Variants in LMF2 observed in about 807,000 individuals in gnomAD.
The protein encoded by LMF2 is lipase maturation factor 2, also known as transmembrane protein 112B.
Under a neutral mutation model 81.5 loss-of-function variants are expected in LMF2, and 113 were observed. That is an observed-to-expected ratio of 1.39 (90% CI 1.19 to 1.62). The LOEUF is 1.62. Ranked by LOEUF, LMF2 falls within the 40% of genes most tolerant of loss-of-function variation. The pLI is 0.00. For synonymous variants in LMF2, 645 were observed against 424.5 expected, an observed-to-expected ratio of 1.52 and a Z score of -6.39; for missense variants, 1,235 against 929.1, an observed-to-expected ratio of 1.33 and a Z score of -4.28.
intron 1 of LMF2, 127 bp downstream of exon 1, chr22:50,507,455 C>T: frequency 2.6e-6 from 2 of 770,310 alleles, no homozygotes; most frequent in Non-Finnish European, 4.5e-6. Context: ...CGAACCGCCG[C>T]CCCCTACCCC....
chr22:50,506,541 C>T (rs757342388), intron 3 of LMF2, 39 bp from the exon 4 acceptor site: 2 of 1,576,224 alleles, frequency 1.3e-6, no homozygotes, highest in African/African-American at 1.3e-5. Context: ...CCCCTCCCCA[C>T]ACAGCTGCTT....
chr22:50,506,131 C>T lies in LMF2; in HGVS notation c.678G>A (p.Lys226=). 1 of 1,578,068 alleles carries T rather than the reference C, an allele frequency of 6.3e-7. No individual in the cohort carries two copies. The highest frequency in any genetic ancestry group is 8.6e-7 in the Non-Finnish European group (1 of 1,161,914). ...TTAGGAAGGTGGCCACCACGCTGAG[C>T]TTGTGCAGCCAGACCGGCAGGTGGT... ...FAHHLPVWLH[K]LSVVATFLIE... Residue 226 remains lysine (K), a synonymous_variant, in exon 5 of 14, where the codon AAG becomes AAA. Coordinates refer to ENST00000474879, the MANE Select transcript of LMF2 (RefSeq NM_033200.3).
intron 12 of LMF2, among the ~76,000 whole-genome samples, 163 bp from the exon 13 acceptor site, chr22:50,504,067 C>T (rs1413823486): frequency 1.1e-5 from 1 of 92,602 alleles, no homozygotes; most frequent in Non-Finnish European, 2.2e-5. Context: ...ACCCGGTGCC[C>T]GGCCTTACCC....
chr22:50,506,690 G>T, intron 2 of LMF2, 24 bp from the exon 3 acceptor site: 2 of 1,613,714 alleles, frequency 1.2e-6, no homozygotes, highest in Non-Finnish European at 1.7e-6. Flanking sequence ...GGCTGTCAGG[G>T]AGCGGGTGTG....
Position 50,505,525 on chromosome 22 carries a change from G to C in LMF2, c.929C>G (p.Ala310Gly). 6.2e-7 allele frequency: 1 copy of C among 1,612,594 alleles called. No homozygotes were observed. The highest frequency in any genetic ancestry group is 8.5e-7 in the Non-Finnish European group (1 of 1,180,010). The change falls in exon 7 of 14, where the codon GCC becomes GGC. Residue 310 changes from alanine (A) to glycine (G), a missense_variant. Physicochemically the swap from Ala to Gly is moderately conservative, Grantham distance 60. Coordinates refer to ENST00000474879, the MANE Select transcript of LMF2 (RefSeq NM_033200.3). The part of the protein sequence containing the change: ...RKKTATSWPK[A>G]LLATLSLLLE... ...CAGCAGCGACAGGGTGGCCAGCAGGGCCTTGGGCCAGGCTGTGGGGCAGGA... is the reference window on the plus strand; with the variant it reads ...CAGCAGCGACAGGGTGGCCAGCAGGCCCTTGGGCCAGGCTGTGGGGCAGGA...
rs1405212034 is a variant in LMF2 at position 50,505,573 on chromosome 22, C to T, written c.917-36G>A. 4.3e-6 allele frequency: 7 copies of T among 1,611,662 alleles called. No homozygotes were observed. The South Asian group carries it at 5.5e-5, about 13-fold the overall frequency. On this transcript the variant is annotated intron_variant, in intron 6 of 13. Transcript: ENST00000474879. ...GGACAGTCATGGGTCAGCAGAGGGT[C>T]CCCAGCCAGGGGGCTGGGGTGCAGC...
rs201652907 is a variant in LMF2 at position 50,503,678 on chromosome 22, G to A, written c.1837C>T (p.Arg613Cys). Reference sequence around the variant, plus strand: ...TGGGCCAGGGTGCTGTTGGCGCTGCGGGTGCGAGGTGGGCTTTTCTCCTGT... The same window carrying A: ...TGGGCCAGGGTGCTGTTGGCGCTGCAGGTGCGAGGTGGGCTTTTCTCCTGT... ...GLQEKSPPRT[R>C]SANSTLAQAL... Residue 613 changes from arginine (R) to cysteine (C), a missense_variant, in exon 14 of 14, where the codon CGC (arginine) becomes TGC (cysteine). Coordinates refer to ENST00000474879, the MANE Select transcript of LMF2 (RefSeq NM_033200.3). 168 of 1,593,918 alleles carry A rather than the reference G, an allele frequency of 1.1e-4. No individual in the cohort carries two copies. Among genetic ancestry groups the A allele is most frequent in the Non-Finnish European group, 1.3e-4 (156 of 1,175,084 alleles).
At position 50,506,189 on chromosome 22, in the gene LMF2, T is replaced by C. The variant is rs752473920; in HGVS notation, c.620A>G (p.Gln207Arg). Residue 207 changes from glutamine to arginine, a missense_variant, in exon 5 of 14, where the codon CAG (glutamine) becomes CGG (arginine). Gln to Arg is a conservative substitution (Grantham distance 43). Coordinates refer to ENST00000474879, the MANE Select transcript of LMF2 (RefSeq NM_033200.3). ...LTALTYHYET[Q>R]CLPTPAAWFA... ...CCAGGCGGCGGGCGTGGGCAGGCAC[T>C]GGGTCTCGTAGTGGTAGGTGAGGGC... is the stretch of plus-strand genomic sequence containing the variant. 2 of 1,560,060 alleles carry C rather than the reference T, an allele frequency of 1.3e-6. No individual in the cohort carries two copies. Among genetic ancestry groups the C allele is most frequent in the South Asian group, 2.4e-5 (2 of 84,908 alleles).
At position 50,504,304 on chromosome 22, in the gene LMF2, C is replaced by T; in HGVS notation, c.1718+36G>A. On this transcript the variant is annotated intron_variant, in intron 12 of 13. Transcript: ENST00000474879. Reference sequence around the variant, plus strand: ...CCGGTGCCCGGCCTTACCCCTGCACCCCGGGCTCCACACCCCACCCGGTGC... The same window carrying T: ...CCGGTGCCCGGCCTTACCCCTGCACTCCGGGCTCCACACCCCACCCGGTGC... The T allele has an allele frequency of 2.0e-6, 3 of 1,514,968 alleles. 1 individual carries two copies. The highest frequency in any genetic ancestry group is 2.3e-5 in the South Asian group (2 of 87,410). 93.8% of individuals were successfully genotyped at this position (1,514,968 alleles called of 1,614,324 possible).
rs756342960 is a variant in LMF2 at position 50,506,391 on chromosome 22, G to T, written c.489C>A (p.His163Gln). 1.3e-6 allele frequency: 2 copies of T among 1,549,908 alleles called. No individual in the cohort carries two copies. The highest frequency in any genetic ancestry group is 8.7e-7 in the Non-Finnish European group (1 of 1,147,314). Residue 163 changes from histidine to glutamine, a missense_variant, in exon 4 of 14, where the codon CAC (histidine) becomes CAA (glutamine). Coordinates refer to ENST00000474879, the MANE Select transcript of LMF2 (RefSeq NM_033200.3). ...GCACCAGCCAGAAGGGGAGGTCTTC[G>T]TGGGGCAGGGCCCCTGCCTGCCTGC... The part of the protein sequence containing the change: ...PQGRQAGALP[H>Q]EDLPFWLVRW...
Position 50,504,829 on chromosome 22 carries a change from C to T in LMF2, c.1410G>A (p.Glu470=), listed in dbSNP as rs2068513198. The T allele has an allele frequency of 1.2e-6, 2 of 1,608,988 alleles. No homozygotes were observed. Among genetic ancestry groups the T allele is most frequent in the Non-Finnish European group, 8.5e-7 (1 of 1,177,292 alleles). ...GLGGRPEVVL[E]GSYDGHHWTE... ...TCCAGTGGTGGCCGTCGTAACTGCCCTCCAGCACCACCTCAGGCCGTCCAC... is the reference window on the plus strand; with the variant it reads ...TCCAGTGGTGGCCGTCGTAACTGCCTTCCAGCACCACCTCAGGCCGTCCAC... Residue 470 remains glutamate, a synonymous_variant, in exon 10 of 14, where the codon GAG becomes GAA. Transcript: ENST00000474879.
chr22:50,504,021 C>G (rs2068479493), intron 12 of LMF2, 117 bp from the exon 13 acceptor site: 1 of 960,640 alleles, frequency 1.0e-6, no homozygotes, highest in Admixed American at 2.3e-5. Context: ...CCCCCTGGTG[C>G]CCGGCCTTAC....
At chr22:50,505,176 G>C (rs534340880) in intron 8 of LMF2, 23 bp from the exon 9 acceptor site, 2 of 1,612,762 alleles carry the variant, frequency 1.2e-6, no homozygotes, top group Non-Finnish European at 8.5e-7. Context: ...ACCCAAGGTC[G>C]TCAGGCCGGC....
Position 50,507,151 on chromosome 22 carries a change from C to A in LMF2, c.95-116G>T, listed in dbSNP as rs907908829. ...TCAGAGCATGCGGATACCTCCATCC[C>A]TAGGTCAGAGTCTGCAGTCCCTCCA... On this transcript the variant is annotated intron_variant, in intron 1 of 13. Transcript: ENST00000474879. 1.4e-5 allele frequency: 20 copies of A among 1,441,524 alleles called. No homozygotes were observed. The African/African-American group carries it at 2.6e-4, about 18-fold the overall frequency. The allele number at this position is 1,441,524 out of a possible 1,614,324, so 89.3% of individuals were successfully genotyped here.
At position 50,503,625 on chromosome 22, in the gene LMF2, C is replaced by A; in HGVS notation, c.1890G>T (p.Leu630=). Reference sequence around the variant, plus strand: ...GCAGGGCGGGGGCCTCCAGGGGAGACAGCTGAGAGCGAGTCCAGTGGAGGG... The same window carrying A: ...GCAGGGCGGGGGCCTCCAGGGGAGAAAGCTGAGAGCGAGTCCAGTGGAGGG... ...AQALHWTRSQ[L]SPLEAPALLW... is the part of the protein sequence containing the mutation. Residue 630 remains leucine, a synonymous_variant, in exon 14 of 14, where the codon CTG becomes CTT. Transcript: ENST00000474879. 6.3e-7 allele frequency: 1 copy of A among 1,580,982 alleles called. No homozygotes were observed.
intron 1 of LMF2, 163 bp from the exon 2 acceptor site, chr22:50,507,198 A>G (rs2068610755): frequency 8.5e-7 from 1 of 1,175,066 alleles, no homozygotes; most frequent in Non-Finnish European, 1.2e-6. Flanking sequence ...CCAGGTCGGG[A>G]CCTGTCAAAA....
chr22:50,506,084 A>G lies in LMF2; in HGVS notation c.725T>C (p.Leu242Pro). The change falls in exon 5 of 14, where the codon CTG (leucine) becomes CCG (proline). Residue 242 changes from leucine (L) to proline (P), a missense_variant. Leu to Pro is a moderately conservative substitution (Grantham distance 98). Transcript: ENST00000474879. ...CAGGCGTCGAATGGGGGCGAAGAAC[A>G]GGGGCGGCACAGCGATCTCAATTAG... The part of the protein sequence containing the change: ...TFLIEIAVPP[L>P]FFAPIRRLRL... The G allele has an allele frequency of 1.9e-6, 3 of 1,591,912 alleles. No individual in the cohort carries two copies. The South Asian group carries it at 3.4e-5, about 18-fold the overall frequency.
chr22:50,506,236 G>A (rs1459495108), intron 4 of LMF2, 23 bp from the exon 5 acceptor site: 1 of 1,549,280 alleles, frequency 6.5e-7, no homozygotes, highest in South Asian at 1.2e-5. Context: ...GCAGGAGTCA[G>A]GGCTGGCCGA....
Position 50,506,441 on chromosome 22 carries a change from A to C in LMF2, c.439T>G (p.Ser147Ala), listed in dbSNP as rs1369211231. The change falls in exon 4 of 14, where the codon TCC becomes GCC. Residue 147 changes from serine to alanine, a missense_variant. Physicochemically the swap from Ser to Ala is moderately conservative, Grantham distance 99. Coordinates refer to ENST00000474879, the MANE Select transcript of LMF2 (RefSeq NM_033200.3). ...AVLVAPLRPASHRKEAPQGRQ... is the reference protein window; with the variant it reads ...AVLVAPLRPAAHRKEAPQGRQ... ...CCCTGGGGGGCCTCCTTGCGGTGGG[A>C]GGCTGGCCTCAGCGGGGCCACCAGC... The C allele has an allele frequency of 3.9e-6, 6 of 1,550,706 alleles. No homozygotes were observed. The East Asian group carries it at 1.4e-4, about 37-fold the overall frequency.
Sources: gnomAD v4.1 joint callset for allele counts (sites outside exome capture counted in the v4.1 genomes callset) on GRCh38, gnomAD v4.1.1 for gene constraint, MANE v1.5 for transcripts, NCBI Gene and HGNC (gene_info 2026-07-23, HGNC 2026-07-21) for gene names.